The following ARHGEF11 variants were observed in gnomAD, a reference collection of about 807,000 sequenced individuals.
ARHGEF11 encodes Rho guanine exchange factor (GEF) 11.
Under a neutral mutation model 193.7 loss-of-function variants are expected in ARHGEF11, and 55 were observed. The ratio of observed to expected loss-of-function variants is 0.28; its 90% CI spans 0.23 to 0.36. The LOEUF (loss-of-function observed/expected upper bound fraction) is 0.36. Ranked by LOEUF, ARHGEF11 falls within the 10% of genes least tolerant of loss-of-function variation. The pLI, the probability that ARHGEF11 is intolerant of heterozygous loss-of-function variation, is 1.00. For missense variants in ARHGEF11, 1,723 were observed against 2,005.6 expected, an observed-to-expected ratio of 0.86 and a Z score of 2.69; for synonymous variants, 693 against 768.0, an observed-to-expected ratio of 0.90 and a Z score of 1.62.
chr1:156,938,868 CT>C, intron 37 of ARHGEF11: 1 of 259,718 alleles, frequency 3.9e-6, no homozygotes. Flanking sequence ...CTTTGTTCTA[CT>C]TTTCTTGCCA....
At chr1:157,014,530 G>A (rs1245999974) in intron 1 of ARHGEF11, among the ~76,000 whole-genome samples, 2 of 151,880 alleles carry the variant, frequency 1.3e-5, no homozygotes, top group Non-Finnish European at 2.9e-5. Flanking sequence ...CTCTCTTAAA[G>A]GAAAAAATAT....
intron 11 of ARHGEF11, among the ~76,000 whole-genome samples, chr1:156,965,538 C>A (rs112650298): frequency 9.9e-5 from 15 of 152,226 alleles, no homozygotes; most frequent in Non-Finnish European, 2.1e-4. Flanking sequence ...GGCACAGCAG[C>A]TGGTACACTA....
intron 1 of ARHGEF11, among the ~76,000 whole-genome samples, chr1:157,024,487 A>T (rs757857765): frequency 3.9e-5 from 6 of 152,348 alleles, no homozygotes; most frequent in Non-Finnish European, 7.4e-5. Flanking sequence ...TACACAAGGG[A>T]TTATTATGAT....
At chr1:156,993,102 CA>C (rs1665999918) in intron 1 of ARHGEF11, among the ~76,000 whole-genome samples, 1 of 152,172 alleles carries the variant, frequency 6.6e-6, no homozygotes, top group Admixed American at 6.5e-5. Context: ...TTATCTAATT[CA>C]ATACTCACAA....
intron 40 of ARHGEF11, among the ~76,000 whole-genome samples, chr1:156,936,497 A>AAATATATAT (rs370282821): frequency 4.1e-4 from 14 of 33,936 alleles, no homozygotes; most frequent in East Asian, 2.2e-3. Flanking sequence ...AAAAAAAAAA[A>AAATATATAT]ATATATATAT....
chr1:156,940,542 T>C, intron 35 of ARHGEF11, 117 bp from the exon 36 acceptor site: 1 of 898,286 alleles, frequency 1.1e-6, no homozygotes, highest in South Asian at 2.1e-5. Flanking sequence ...TACAGTTGTT[T>C]ACTGAGAACT....
At chr1:157,010,566 C>A (rs893438822) in intron 1 of ARHGEF11, among the ~76,000 whole-genome samples, 1 of 142,226 alleles carries the variant, frequency 7.0e-6, no homozygotes, top group Non-Finnish European at 1.5e-5. Flanking sequence ...ATTAGCCTGG[C>A]TAATTTTTAT....
intron 15 of ARHGEF11, among the ~76,000 whole-genome samples, chr1:156,960,057 T>C (rs753940098): frequency 6.6e-6 from 1 of 151,214 alleles, no homozygotes; most frequent in Admixed American, 6.6e-5. Context: ...ACAATCAACC[T>C]GGCTGAGGAA....
intron 1 of ARHGEF11, among the ~76,000 whole-genome samples, chr1:157,024,843 A>G (rs1046347896): frequency 6.6e-6 from 1 of 152,142 alleles, no homozygotes; most frequent in African/African-American, 2.4e-5. Context: ...TCATCTCTTG[A>G]CTAGACTACT....
chr1:156,970,167 A>G (rs1168102559), intron 8 of ARHGEF11, 124 bp from the exon 9 acceptor site: 1 of 759,614 alleles, frequency 1.3e-6, no homozygotes, highest in East Asian at 2.5e-5. Context: ...TGCCTCAAAA[A>G]TGCCCAGCTA....
intron 8 of ARHGEF11, 56 bp downstream of exon 8, chr1:156,971,639 ACT>A: frequency 6.4e-7 from 1 of 1,557,166 alleles, no homozygotes; most frequent in Middle Eastern, 1.7e-4. Flanking sequence ...TTTTTCCCTC[ACT>A]CTACCCCCAG....
chr1:157,045,940 C>G (rs1673282195), upstream of ARHGEF11, among the ~76,000 whole-genome samples: 1 of 151,044 alleles, frequency 6.6e-6, no homozygotes, highest in Non-Finnish European at 1.5e-5. Context: ...GGCCTTTCCC[C>G]TCACGCCGCG....
rs751203515 is a variant in ARHGEF11, at chr1:156,936,045, G to T, written c.4644C>A (p.Pro1548=). The change falls in exon 41 of 41, where the codon CCC becomes CCA. Residue 1548 remains proline (P), a synonymous_variant. Transcript: ENST00000368194. ...GPCPEDGSDA[P]LEDSTADAAA... ...CTGCGTCTGCTGTGCTGTCTTCCAG[G>T]GGGGCGTCAGAGCCTGTGGGAGGAG... 1 of 1,614,044 alleles carries T rather than the reference G, an allele frequency of 6.2e-7. No homozygotes were observed. The highest frequency in any genetic ancestry group is 8.5e-7 in the Non-Finnish European group (1 of 1,179,942).
At chr1:156,956,977 TG>T (rs1411840991) in intron 18 of ARHGEF11, among the ~76,000 whole-genome samples, 1 of 151,828 alleles carries the variant, frequency 6.6e-6, no homozygotes, top group African/African-American at 2.4e-5. Context: ...TGTGCAGGGG[TG>T]GGGAGGCCAG....
chr1:156,948,493 C>A lies in ARHGEF11; in HGVS notation c.1931G>T (p.Arg644Leu). Reference protein sequence around the residue: ...PEDLLESDSSRSEIRLGRSES... With the variant: ...PEDLLESDSSLSEIRLGRSES... ...AGAGCGGCCCAGGCGAATCTCTGAG[C>A]GTGAACTGGGGGGAAGGGACAAAAG... Residue 644 changes from arginine to leucine, a missense_variant, in exon 23 of 41, where the codon CGC becomes CTC. By Grantham distance (102) the Arg-to-Leu change is moderately radical (BLOSUM62 -2). Around this residue, in one of 5 missense-constraint regions of ARHGEF11, gnomAD observed 491 missense variants for 654.5 expected, o/e 0.75. Transcript: ENST00000368194. The surrounding 1 kb of genome is among the most constrained non-coding windows in gnomAD (Gnocchi z 4.2). The A allele has an allele frequency of 6.2e-7, 1 of 1,614,168 alleles. No individual in the cohort carries two copies. The highest frequency in any genetic ancestry group is 8.5e-7 in the Non-Finnish European group (1 of 1,180,022).
intron 1 of ARHGEF11, among the ~76,000 whole-genome samples, chr1:157,025,447 A>G (rs573868179): frequency 6.6e-6 from 1 of 152,302 alleles, no homozygotes; most frequent in Non-Finnish European, 1.5e-5. Flanking sequence ...GGGAAAAAGG[A>G]CCTTGGATTC....
At chr1:156,991,526 C>T (rs527721799) in intron 1 of ARHGEF11, among the ~76,000 whole-genome samples, 1 of 152,066 alleles carries the variant, frequency 6.6e-6, no homozygotes, top group Admixed American at 6.5e-5. Flanking sequence ...TGCCATGTTG[C>T]CCAGGCTGGT....
intron 3 of ARHGEF11, among the ~76,000 whole-genome samples, chr1:156,984,007 G>A (rs538546471): frequency 6.6e-6 from 1 of 152,376 alleles, no homozygotes; most frequent in East Asian, 1.9e-4. Context: ...AGGTAAATAT[G>A]AAGAAAGGGG....
intron 1 of ARHGEF11, among the ~76,000 whole-genome samples, chr1:156,989,938 CT>C (rs1665480064): frequency 6.6e-6 from 1 of 152,142 alleles, no homozygotes; most frequent in Non-Finnish European, 1.5e-5. Flanking sequence ...CCTATATCCC[CT>C]AAGAGCATTG....
Sources: gnomAD v4.1 joint callset for allele counts (sites outside exome capture counted in the v4.1 genomes callset) on GRCh38, gnomAD v4.1.1 for gene constraint, gnomAD v4.1.1 regional missense constraint, Gnocchi (gnomAD v3.1) non-coding constraint, MANE v1.5 for transcripts, NCBI Gene and HGNC (gene_info 2026-07-23, HGNC 2026-07-21) for gene names.